The following GLRA2 variants were observed in gnomAD, a reference collection of about 807,000 sequenced individuals.
GLRA2 encodes the protein glycine receptor alpha 2, also known as glycine receptor subunit alpha-2.
GLRA2 carries 11 observed loss-of-function variants against 31.6 expected under a neutral mutation model. That is an observed-to-expected ratio of 0.35 (90% CI 0.22 to 0.58). The LOEUF is 0.58. Among genes scored for constraint, GLRA2 ranks in the 20% least tolerant of loss-of-function variants. GLRA2 has a pLI of 0.84. For missense variants in GLRA2, 212 were observed against 351.8 expected, an observed-to-expected ratio of 0.60 and a Z score of 3.18; for synonymous variants, 132 against 134.0, an observed-to-expected ratio of 0.99 and a Z score of 0.10.
chrX:14,625,869 T>C (rs1475667175), intron 7 of GLRA2, among the ~76,000 whole-genome samples: 1 of 111,632 alleles, frequency 9.0e-6, no homozygotes, highest in African/African-American at 3.3e-5. Context: ...CCCAACGAAG[T>C]AGGTACTATT....
chrX:14,562,090 A>G (rs183764477), intron 2 of GLRA2, among the ~76,000 whole-genome samples: 53 of 112,328 alleles, frequency 4.7e-4, no homozygotes, highest in African/African-American at 1.6e-3. Flanking sequence ...GACACACACT[A>G]TTTATTTTCA....
At chrX:14,707,110 GC>G (rs1236402161) in intron 8 of GLRA2, among the ~76,000 whole-genome samples, 1 of 111,785 alleles carries the variant, frequency 8.9e-6, no homozygotes, top group Non-Finnish European at 1.9e-5. Flanking sequence ...TTTCATTACA[GC>G]ACCATTTCCT....
Position 14,532,377 on chromosome X carries a change from G to T in GLRA2, c.202+5G>T. On this transcript the variant is annotated splice_donor_5th_base_variant and intron_variant, in intron 2 of 8. Transcript: ENST00000218075. ...GAATCAGGCCAAATTTTAAAGGTAG[G>T]TTCCACTTAAACTTACGTTAAGCCT... The T allele has an allele frequency of 8.7e-7, 1 of 1,151,254 alleles. No homozygotes were observed. The highest frequency in any genetic ancestry group is 1.2e-6 in the Non-Finnish European group (1 of 854,914). The allele number at this position is 1,151,254 out of a possible 1,213,427, so 94.9% of individuals were successfully genotyped here. A position where few individuals can be genotyped will look rare whatever the true frequency, so the allele number is the denominator to read the frequency against.
the GLRA2 span, among the ~76,000 whole-genome samples, chrX:14,505,104 A>T: frequency 8.9e-6 from 1 of 112,323 alleles, no homozygotes; most frequent in Non-Finnish European, 1.9e-5. Flanking sequence ...TGTGTTGTCC[A>T]TGACACAGAG....
chrX:14,583,210 CT>C (rs2090043142), intron 4 of GLRA2, among the ~76,000 whole-genome samples: 1 of 112,090 alleles, frequency 8.9e-6, no homozygotes, highest in Non-Finnish European at 1.9e-5. Flanking sequence ...CACTTATACA[CT>C]GCTGGTGGGA....
the GLRA2 span, among the ~76,000 whole-genome samples, chrX:14,490,216 T>C: frequency 8.9e-6 from 1 of 112,096 alleles, no homozygotes. Flanking sequence ...CTCCAGGGGC[T>C]GCATGTACAC....
chrX:14,654,272 A>T (rs925317115), intron 7 of GLRA2, among the ~76,000 whole-genome samples: 1 of 112,076 alleles, frequency 8.9e-6, no homozygotes, highest in Non-Finnish European at 1.9e-5. Flanking sequence ...AACTCACTGA[A>T]GGCTCAGATG....
chrX:14,561,954 A>T (rs2089738525), intron 2 of GLRA2, among the ~76,000 whole-genome samples: 1 of 112,579 alleles, frequency 8.9e-6, no homozygotes, highest in Admixed American at 9.4e-5. Context: ...AAATGAAAAA[A>T]TGTGGATCAG....
At chrX:14,669,596 C>T (rs1034939034) in intron 7 of GLRA2, among the ~76,000 whole-genome samples, 4 of 111,991 alleles carry the variant, frequency 3.6e-5, no homozygotes, top group Non-Finnish European at 7.5e-5. Context: ...TTCAACACCA[C>T]GTGGAAGCTG....
chrX:14,598,361 A>G (rs761858369), intron 4 of GLRA2, among the ~76,000 whole-genome samples: 28 of 112,547 alleles, frequency 2.5e-4, no homozygotes, highest in African/African-American at 7.4e-4. Flanking sequence ...TTCATTGGGA[A>G]TGAACTCCGA....
chrX:14,519,143 A>C, the GLRA2 span, among the ~76,000 whole-genome samples: 1 of 109,799 alleles, frequency 9.1e-6, no homozygotes, highest in African/African-American at 3.3e-5. Flanking sequence ...ATTATATATA[A>C]TTTATATGTA....
At chrX:14,504,695 T>A in the GLRA2 span, among the ~76,000 whole-genome samples, 1 of 112,023 alleles carries the variant, frequency 8.9e-6, no homozygotes, top group African/African-American at 3.2e-5. Flanking sequence ...ATTGTGAGAA[T>A]AATTTAGATA....
At chrX:14,501,267 G>A in the GLRA2 span, among the ~76,000 whole-genome samples, 2 of 111,553 alleles carry the variant, frequency 1.8e-5, no homozygotes, top group Non-Finnish European at 3.8e-5. Context: ...GAACATGAAA[G>A]GAAAGTGTAT....
intron 7 of GLRA2, among the ~76,000 whole-genome samples, chrX:14,640,269 C>T (rs113519626): frequency 9.0e-6 from 1 of 110,895 alleles, no homozygotes; most frequent in African/African-American, 3.3e-5. Context: ...CTTGGAAGAT[C>T]CCTAACATTA....
intron 2 of GLRA2, among the ~76,000 whole-genome samples, chrX:14,547,148 A>G (rs3027328): frequency 0.2 from 22,168 of 110,827 alleles, 2,203 homozygotes; most frequent in Non-Finnish European, 0.31. Flanking sequence ...AATAAAGATG[A>G]CATAATAAAT....
intron 7 of GLRA2, among the ~76,000 whole-genome samples, chrX:14,624,155 C>A (rs2090558669): frequency 8.9e-6 from 1 of 111,815 alleles, no homozygotes; most frequent in East Asian, 2.8e-4. Context: ...TTATAGTATT[C>A]TCTGATGGTA....
intron 2 of GLRA2, among the ~76,000 whole-genome samples, chrX:14,539,409 C>A (rs1165730118): frequency 9.0e-6 from 1 of 111,467 alleles, no homozygotes; most frequent in Admixed American, 9.5e-5. Flanking sequence ...AGCTACTCTG[C>A]ACACTTATGA....
At chrX:14,461,551 A>G in the GLRA2 span, among the ~76,000 whole-genome samples, 1 of 111,854 alleles carries the variant, frequency 8.9e-6, no homozygotes, top group Non-Finnish European at 1.9e-5. Flanking sequence ...GTGCATATAT[A>G]TTTAGGATAG....
the GLRA2 span, among the ~76,000 whole-genome samples, chrX:14,498,243 T>C: frequency 9.1e-6 from 1 of 110,474 alleles, no homozygotes; most frequent in African/African-American, 3.3e-5. Context: ...AACCAACTGA[T>C]TTACTCATAG....
Sources: gnomAD v4.1 joint callset for allele counts (sites outside exome capture counted in the v4.1 genomes callset) on GRCh38, gnomAD v4.1.1 for gene constraint, MANE v1.5 for transcripts, NCBI Gene and HGNC (gene_info 2026-07-23, HGNC 2026-07-21) for gene names.